The following GLIS1 variants were observed in gnomAD, a reference collection of about 807,000 sequenced individuals.
GLIS1 encodes the protein zinc finger protein GLIS1.
A neutral mutation model predicts 63.8 loss-of-function variants in GLIS1; 24 were observed. The ratio of observed to expected loss-of-function variants is 0.38; its 90% CI spans 0.27 to 0.53. GLIS1 has a LOEUF of 0.53. GLIS1 is among the 20% of genes least tolerant of loss of function. The probability of loss-of-function intolerance (pLI) is 0.85; values close to 1 mark genes in which losing one functional copy is unlikely to be tolerated. For synonymous variants in GLIS1, 450 were observed against 482.5 expected (o/e 0.93, Z 0.88); for missense variants, 1,036 against 1,074.1 (o/e 0.96, Z 0.50).
At chr1:53,509,809 T>G in intron 9 of GLIS1, 40 bp downstream of exon 9, 4 of 1,207,228 alleles carry the variant, frequency 3.3e-6, no homozygotes, top group Non-Finnish European at 4.3e-6. Flanking sequence ...TAAGTGGGAA[T>G]TGGGGGGTTA....
At chr1:53,643,600 T>C (rs1645810819) in intron 2 of GLIS1, among the ~76,000 whole-genome samples, 1 of 152,168 alleles carries the variant, frequency 6.6e-6, no homozygotes, top group Non-Finnish European at 1.5e-5. Flanking sequence ...ACACGGCAAC[T>C]ATAGCTTCAA....
At chr1:53,568,734 C>T (rs1644957445) in intron 4 of GLIS1, among the ~76,000 whole-genome samples, 1 of 152,202 alleles carries the variant, frequency 6.6e-6, no homozygotes, top group South Asian at 2.1e-4. Flanking sequence ...CTGTCTCCTG[C>T]TCCACCATGA....
intron 4 of GLIS1, among the ~76,000 whole-genome samples, chr1:53,587,328 T>A (rs147587380): frequency 1.4e-4 from 22 of 152,234 alleles, no homozygotes; most frequent in African/African-American, 5.1e-4. Flanking sequence ...CCAGGAAGGA[T>A]CATTAACGAG....
At chr1:53,545,376 C>A (rs930309493) in intron 4 of GLIS1, among the ~76,000 whole-genome samples, 2 of 152,204 alleles carry the variant, frequency 1.3e-5, no homozygotes, top group African/African-American at 4.8e-5. Flanking sequence ...CTGACCTGTC[C>A]GGCGGCATCA....
At chr1:53,508,940 G>C (rs1224236255) in intron 10 of GLIS1, among the ~76,000 whole-genome samples, 180 bp downstream of exon 10, 1 of 152,234 alleles carries the variant, frequency 6.6e-6, no homozygotes, top group Non-Finnish European at 1.5e-5. Flanking sequence ...AGTCAGGCAG[G>C]TACAGACAGT....
chr1:53,673,946 C>T (rs569683722), intron 2 of GLIS1, among the ~76,000 whole-genome samples: 2 of 151,990 alleles, frequency 1.3e-5, no homozygotes, highest in Admixed American at 1.3e-4. Flanking sequence ...CCGAGGTGGT[C>T]GGATGACTTG....
In GLIS1 at chr1:53,506,859, G is replaced by A. The variant is rs12080934; in HGVS notation, c.2231-83C>T. 1.7e-3 allele frequency: 2,280 copies of A among 1,358,150 alleles called. 18 individuals carry two copies. Among genetic ancestry groups the A allele is most frequent in the African/African-American group, 0.016 (1,135 of 69,776 alleles). The allele number at this position is 1,358,150 out of a possible 1,614,324, so 84.1% of individuals were successfully genotyped here. On this transcript the variant is annotated intron_variant, in intron 10 of 10. Coordinates refer to ENST00000628545, the MANE Select transcript of GLIS1 (RefSeq NM_001367484.1). ...GCTTCCCAGTTCCAGGCCCCACCCC[G>A]CCTGCCCAGGGTCATCCCCTCACAG... is the stretch of plus-strand genomic sequence containing the variant.
At chr1:53,707,181 CA>C (rs1646587576) in intron 2 of GLIS1, among the ~76,000 whole-genome samples, 1 of 152,066 alleles carries the variant, frequency 6.6e-6, no homozygotes, top group South Asian at 2.1e-4. Flanking sequence ...GAAATGGAGA[CA>C]GGGGAAGAGG....
chr1:53,722,589 C>T (rs1042355539), intron 2 of GLIS1, among the ~76,000 whole-genome samples: 1 of 152,066 alleles, frequency 6.6e-6, no homozygotes, highest in Non-Finnish European at 1.5e-5. Flanking sequence ...TCCTATAATC[C>T]CAACACTTTG....
chr1:53,715,366 G>C (rs966306939), intron 2 of GLIS1, among the ~76,000 whole-genome samples: 8 of 152,206 alleles, frequency 5.3e-5, no homozygotes, highest in African/African-American at 1.9e-4. Flanking sequence ...GCCATGCAAA[G>C]GCCCTAGCGC....
intron 2 of GLIS1, among the ~76,000 whole-genome samples, chr1:53,680,058 G>A (rs373135523): frequency 2.6e-5 from 4 of 152,128 alleles, no homozygotes; most frequent in South Asian, 4.2e-4. Context: ...GTGCCAGGTC[G>A]AATTCTCCAG....
At chr1:53,668,747 G>T (rs994047701) in intron 2 of GLIS1, among the ~76,000 whole-genome samples, 4 of 152,296 alleles carry the variant, frequency 2.6e-5, no homozygotes, top group African/African-American at 4.8e-5. Context: ...ATGCTGTATA[G>T]GTTTGTAGCC....
chr1:53,523,939 G>A (rs139139870), intron 6 of GLIS1, among the ~76,000 whole-genome samples: 45 of 152,280 alleles, frequency 3.0e-4, no homozygotes, highest in Admixed American at 7.8e-4. Flanking sequence ...TGGGCTTCAG[G>A]CTTCAGCCCT....
intron 4 of GLIS1, among the ~76,000 whole-genome samples, chr1:53,553,765 C>A (rs565172205): frequency 6.6e-6 from 1 of 152,012 alleles, no homozygotes; most frequent in Non-Finnish European, 1.5e-5. Context: ...GCTTTAGGGA[C>A]GGAGAATTTT....
intron 2 of GLIS1, among the ~76,000 whole-genome samples, chr1:53,710,644 C>A (rs1444377555): frequency 6.6e-6 from 1 of 152,220 alleles, no homozygotes; most frequent in Non-Finnish European, 1.5e-5. Context: ...GTCAGTCCTA[C>A]CCCTCTGCCT....
chr1:53,623,113 T>C (rs1322212930), intron 2 of GLIS1, among the ~76,000 whole-genome samples: 1 of 152,224 alleles, frequency 6.6e-6, no homozygotes, highest in Admixed American at 6.5e-5. Flanking sequence ...CTTTCAAAAT[T>C]CTTTCTTTAC....
At chr1:53,732,133 C>T (rs1646867703) in intron 2 of GLIS1, among the ~76,000 whole-genome samples, 1 of 152,354 alleles carries the variant, frequency 6.6e-6, no homozygotes, top group Non-Finnish European at 1.5e-5. Flanking sequence ...GCGCATCTGA[C>T]TCAAATGCTA....
intron 2 of GLIS1, among the ~76,000 whole-genome samples, chr1:53,630,104 T>G (rs1293562915): frequency 6.6e-6 from 1 of 152,258 alleles, no homozygotes; most frequent in African/African-American, 2.4e-5. Context: ...AGCATCTGAC[T>G]ACATTGACAT....
chr1:53,620,639 C>T (rs1367849812), intron 2 of GLIS1, among the ~76,000 whole-genome samples: 2 of 152,234 alleles, frequency 1.3e-5, no homozygotes, highest in East Asian at 3.8e-4. Flanking sequence ...CTGGGCCGGC[C>T]TGCAAAGGCC....
Sources: allele counts gnomAD v4.1 joint callset (sites outside exome capture counted in the v4.1 genomes callset), GRCh38; gene constraint gnomAD v4.1.1; transcripts MANE v1.5; gene names NCBI Gene and HGNC (gene_info 2026-07-23, HGNC 2026-07-21).